Variants in CNOT9 observed in about 807,000 individuals in gnomAD.
CNOT9 encodes RCD1 required for cell differentiation1 homolog.
A neutral mutation model predicts 37.4 loss-of-function variants in CNOT9; 8 were observed. That is an observed-to-expected ratio of 0.21 (90% confidence interval 0.13 to 0.39). CNOT9 has a LOEUF of 0.39. Ranked by LOEUF, CNOT9 falls within the 10% of genes least tolerant of loss-of-function variation. The probability of loss-of-function intolerance (pLI) is 1.00; values close to 1 mark genes in which losing one functional copy is unlikely to be tolerated. For missense variants in CNOT9, 154 were observed against 365.3 expected (o/e 0.42, Z 4.71); for synonymous variants, 120 against 137.6 (o/e 0.87, Z 0.90).
chr2:218,584,207 A>T (rs1455206200), intron 3 of CNOT9, among the ~76,000 whole-genome samples: 1 of 152,196 alleles, frequency 6.6e-6, no homozygotes, highest in Admixed American at 6.6e-5. Flanking sequence ...TGTTTTCTTA[A>T]CCACTGTGAT....
At chr2:218,590,683 T>C (rs1299973654) in intron 5 of CNOT9, among the ~76,000 whole-genome samples, 7 of 152,196 alleles carry the variant, frequency 4.6e-5, no homozygotes, top group Non-Finnish European at 1.0e-4. Flanking sequence ...ATTTCTTGCA[T>C]TCCCTGGATT....
chr2:218,573,409 A>G (rs1694065520), intron 1 of CNOT9, among the ~76,000 whole-genome samples: 1 of 151,888 alleles, frequency 6.6e-6, no homozygotes. Context: ...TAGAAAGTTC[A>G]TTTTCTTGGA....
chr2:218,572,395 T>A (rs183061591), intron 1 of CNOT9, among the ~76,000 whole-genome samples: 1 of 151,804 alleles, frequency 6.6e-6, no homozygotes, highest in African/African-American at 2.4e-5. Context: ...TGTGACTTGT[T>A]CCCAGACTTC....
At chr2:218,588,588 CTTTTTTTTT>C (rs1172484260) in intron 5 of CNOT9, among the ~76,000 whole-genome samples, 2 of 33,450 alleles carry the variant, frequency 6.0e-5, no homozygotes, top group Non-Finnish European at 9.6e-5. Context: ...TCCACCCGGC[CTTTTTTTTT>C]TTTTTTTTTT....
chr2:218,588,311 T>C (rs930722440), intron 5 of CNOT9, among the ~76,000 whole-genome samples: 23 of 149,646 alleles, frequency 1.5e-4, no homozygotes, highest in Non-Finnish European at 2.4e-4. Context: ...TTCTCTGAGA[T>C]GGAGTCTTGC....
At chr2:218,577,955 GC>G (rs1694228800) in intron 1 of CNOT9, among the ~76,000 whole-genome samples, 1 of 152,212 alleles carries the variant, frequency 6.6e-6, no homozygotes, top group African/African-American at 2.4e-5. Context: ...CTGTGTTTCT[GC>G]TGAGCGTCTA....
intron 1 of CNOT9, among the ~76,000 whole-genome samples, chr2:218,575,288 C>G (rs1025311184): frequency 5.5e-4 from 84 of 151,778 alleles, no homozygotes; most frequent in African/African-American, 2.0e-3. Flanking sequence ...TGCAGGAACT[C>G]TGTGAACTCC....
In CNOT9 at chr2:218,594,174, A is replaced by T; in HGVS notation, c.798A>T (p.Leu266=). The part of the protein sequence containing the change: ...QLKDTTFAQV[L]KDDTTTKRWL... ...AAGACACAACCTTCGCCCAGGTGCT[A>T]AAAGATGACACCACCACGAAACGCT... Residue 266 remains leucine, a synonymous_variant, in exon 8 of 8, where the codon CTA becomes CTT. Coordinates refer to ENST00000273064, the MANE Select transcript of CNOT9 (RefSeq NM_005444.3). The T allele has an allele frequency of 6.2e-7, 1 of 1,614,210 alleles. No homozygotes were observed. Among genetic ancestry groups the T allele is most frequent in the East Asian group, 2.2e-5 (1 of 44,890 alleles).
Position 218,594,240 on chromosome 2 carries a change from C to T in CNOT9, c.864C>T (p.Val288=). The change falls in exon 8 of 8, where the codon GTC becomes GTT. Residue 288 remains valine (V), a synonymous_variant. Transcript: ENST00000273064. ...TGAAGAACCTGCAAGAGGGCCAGGT[C>T]ACCGATCCCCGGGGTATCCCCCTGC... ...QLVKNLQEGQ[V]TDPRGIPLPP... The T allele has an allele frequency of 6.2e-7, 1 of 1,613,866 alleles. No individual in the cohort carries two copies. The highest frequency in any genetic ancestry group is 8.5e-7 in the Non-Finnish European group (1 of 1,179,836).
chr2:218,578,334 C>A (rs1374979500), intron 1 of CNOT9, among the ~76,000 whole-genome samples: 2 of 152,206 alleles, frequency 1.3e-5, no homozygotes, highest in African/African-American at 4.8e-5. Context: ...TAAAAACTTA[C>A]AATGAAGCTT....
At chr2:218,589,946 A>G (rs528859922) in intron 5 of CNOT9, among the ~76,000 whole-genome samples, 9 of 152,350 alleles carry the variant, frequency 5.9e-5, no homozygotes, top group African/African-American at 2.2e-4. Context: ...AAAGCCAATT[A>G]CTGGCAATAA....
chr2:218,572,161 A>G (rs558462998), intron 1 of CNOT9, among the ~76,000 whole-genome samples: 204 of 151,794 alleles, frequency 1.3e-3, no homozygotes, highest in Non-Finnish European at 7.7e-4. Context: ...TCTCTACTAA[A>G]AATACAAAAA....
rs79365933 is a variant in CNOT9, at chr2:218,582,242, C to T, written c.205-729C>T. On this transcript the variant is annotated intron_variant, in intron 2 of 7. Transcript: ENST00000273064. ...AAATTCAAACTTCTTTATGAGTCAC[C>T]GTGGTTGACTTAACACTTTCTGGCC... Among the ~76,000 whole-genome samples, 1,402 of 152,252 alleles carry T rather than the reference C, an allele frequency of 9.2e-3. 26 individuals carry two copies. Among genetic ancestry groups the T allele is most frequent in the African/African-American group, 0.031 (1,294 of 41,536 alleles).
intron 3 of CNOT9, among the ~76,000 whole-genome samples, chr2:218,583,903 G>A (rs956865257): frequency 4.6e-5 from 7 of 152,280 alleles, no homozygotes; most frequent in African/African-American, 1.7e-4. Context: ...TGACTAAACT[G>A]TTTTCAGAAT....
intron 2 of CNOT9, chr2:218,581,043 T>G (rs772958449): frequency 1.9e-6 from 1 of 517,642 alleles, no homozygotes; most frequent in African/African-American, 1.9e-5. Flanking sequence ...CGAACACCGC[T>G]TTAGGAGTAC....
intron 7 of CNOT9, chr2:218,593,788 A>G: frequency 8.3e-7 from 1 of 1,205,702 alleles, no homozygotes. Context: ...CATAATCCAT[A>G]TATTTCTAAC....
chr2:218,585,177 C>T (rs779572439), intron 4 of CNOT9, among the ~76,000 whole-genome samples: 9 of 152,056 alleles, frequency 5.9e-5, no homozygotes, highest in Non-Finnish European at 1.3e-4. Flanking sequence ...CTGCCTCAGC[C>T]TCCCAAGTAA....
intron 1 of CNOT9, among the ~76,000 whole-genome samples, chr2:218,574,990 C>T (rs1559243382): frequency 6.6e-6 from 1 of 152,126 alleles, no homozygotes; most frequent in Non-Finnish European, 1.5e-5. Flanking sequence ...ATTAGACTCT[C>T]ACAACTAAGA....
chr2:218,591,516 G>A (rs1421062099), intron 5 of CNOT9, among the ~76,000 whole-genome samples: 1 of 152,172 alleles, frequency 6.6e-6, no homozygotes, highest in African/African-American at 2.4e-5. Flanking sequence ...GGCCAAGGCA[G>A]GTGGATCACG....
Sources: allele counts gnomAD v4.1 joint callset (sites outside exome capture counted in the v4.1 genomes callset), GRCh38; gene constraint gnomAD v4.1.1; transcripts MANE v1.5; gene names NCBI Gene and HGNC (gene_info 2026-07-23, HGNC 2026-07-21).